HS6ST3: variants seen among roughly 807,000 people sequenced by gnomAD.
HS6ST3 encodes heparan-sulfate 6-O-sulfotransferase 3.
In HS6ST3, 12 loss-of-function variants were observed where a neutral mutation model predicts 36.7. That is an observed-to-expected ratio of 0.33 (90% CI 0.21 to 0.53). The LOEUF (loss-of-function observed/expected upper bound fraction) is 0.53. Ranked by LOEUF, HS6ST3 falls within the 20% of genes least tolerant of loss-of-function variation. The pLI is 0.95. For missense variants in HS6ST3, 584 were observed against 640.9 expected (o/e 0.91, Z 0.96); for synonymous variants, 240 against 257.5 (o/e 0.93, Z 0.65).
chr13:96,271,799 A>T (rs1448546734), intron 1 of HS6ST3, among the ~76,000 whole-genome samples: 1 of 151,952 alleles, frequency 6.6e-6, no homozygotes, highest in African/African-American at 2.4e-5. Context: ...CTGCTGCCAG[A>T]GAAGTCCAAA....
At chr13:96,538,506 C>T (rs1174373727) in intron 1 of HS6ST3, among the ~76,000 whole-genome samples, 5 of 152,178 alleles carry the variant, frequency 3.3e-5, no homozygotes, top group Non-Finnish European at 5.9e-5. Context: ...TGCAGTGGCA[C>T]GATCTTGGCT....
rs11408188 is a variant in HS6ST3, at chr13:96,491,472, C to CCAA, written c.708-341018_708-341017insCAA. On this transcript the variant is annotated intron_variant, in intron 1 of 1. Transcript: ENST00000376705. ...ACTTTATAATTGTAGTACTAATGTG[C>CCAA]AAAAAAAAAAAAAAAAAATACCCAG... Among the ~76,000 whole-genome samples, 229 of 123,690 alleles carry CCAA rather than the reference C, an allele frequency of 1.9e-3. 3 individuals carry two copies. The highest frequency in any genetic ancestry group is 7.2e-4 in the Non-Finnish European group (44 of 60,812). The allele number at this position is 123,690 out of a possible 152,430, so 81.1% of individuals were successfully genotyped here.
intron 1 of HS6ST3, among the ~76,000 whole-genome samples, chr13:96,507,235 G>C (rs577052035): frequency 4.6e-5 from 7 of 152,260 alleles, no homozygotes; most frequent in Admixed American, 2.0e-4. Context: ...ATCCACTATA[G>C]ACACTGTTTT....
intron 1 of HS6ST3, among the ~76,000 whole-genome samples, chr13:96,397,958 G>A (rs924765135): frequency 1.3e-5 from 2 of 152,102 alleles, no homozygotes; most frequent in Non-Finnish European, 2.9e-5. Context: ...GCTTCCAAAC[G>A]TAGTAGACAT....
At chr13:96,107,715 A>C (rs779427900) in intron 1 of HS6ST3, among the ~76,000 whole-genome samples, 14 of 152,218 alleles carry the variant, frequency 9.2e-5, no homozygotes, top group African/African-American at 3.1e-4. Flanking sequence ...TTTCATGGAC[A>C]TTTATTAGTT....
chr13:96,325,621 C>G (rs2055026902), intron 1 of HS6ST3, among the ~76,000 whole-genome samples: 1 of 152,112 alleles, frequency 6.6e-6, no homozygotes, highest in Non-Finnish European at 1.5e-5. Flanking sequence ...CTGTCAAAGA[C>G]TTGAACATCC....
chr13:96,407,163 TTAAAG>T (rs1311268057), intron 1 of HS6ST3, among the ~76,000 whole-genome samples: 1 of 152,236 alleles, frequency 6.6e-6, no homozygotes, highest in Non-Finnish European at 1.5e-5. Context: ...ATGTTGAAAC[TTAAAG>T]TATTCTTTGC....
chr13:96,309,790 C>G (rs1164346280), intron 1 of HS6ST3, among the ~76,000 whole-genome samples: 1 of 152,080 alleles, frequency 6.6e-6, no homozygotes, highest in Non-Finnish European at 1.5e-5. Flanking sequence ...CTATTCAACA[C>G]TGTATTCAAT....
chr13:96,260,457 G>C (rs1221064813), intron 1 of HS6ST3, among the ~76,000 whole-genome samples: 1 of 141,492 alleles, frequency 7.1e-6, no homozygotes, highest in Non-Finnish European at 1.6e-5. Flanking sequence ...GACTACAGGT[G>C]CCCACCACAA....
chr13:96,660,276 G>A (rs1330295319), intron 1 of HS6ST3, among the ~76,000 whole-genome samples: 1 of 151,866 alleles, frequency 6.6e-6, no homozygotes, highest in Non-Finnish European at 1.5e-5. Flanking sequence ...TGCCTCCCAG[G>A]ATTATTTTAA....
chr13:96,370,365 G>T (rs1263852176), intron 1 of HS6ST3, among the ~76,000 whole-genome samples: 1 of 152,092 alleles, frequency 6.6e-6, no homozygotes, highest in African/African-American at 2.4e-5. Flanking sequence ...TTCATTTGTT[G>T]ATTGCTTATT....
chr13:96,403,762 T>G (rs1236404980), intron 1 of HS6ST3, among the ~76,000 whole-genome samples: 1 of 152,198 alleles, frequency 6.6e-6, no homozygotes, highest in African/African-American at 2.4e-5. Context: ...ATGCTTTCAT[T>G]AGCGTGTATC....
chr13:96,385,183 A>G (rs914238506), intron 1 of HS6ST3, among the ~76,000 whole-genome samples: 4 of 149,082 alleles, frequency 2.7e-5, no homozygotes, highest in African/African-American at 9.8e-5. Context: ...CTGTATCCAA[A>G]AAAAAAAAAA....
chr13:96,641,873 G>C (rs1478161722), intron 1 of HS6ST3, among the ~76,000 whole-genome samples: 1 of 151,552 alleles, frequency 6.6e-6, no homozygotes, highest in African/African-American at 2.4e-5. Flanking sequence ...AAACTTATAG[G>C]TATTTCATTA....
chr13:96,137,719 T>G (rs1431277357), intron 1 of HS6ST3, among the ~76,000 whole-genome samples: 1 of 152,180 alleles, frequency 6.6e-6, no homozygotes, highest in Non-Finnish European at 1.5e-5. Context: ...GCCTGGCCTT[T>G]CTGCCGCCGT....
At chr13:96,537,396 A>G (rs1235890748) in intron 1 of HS6ST3, among the ~76,000 whole-genome samples, 2 of 152,142 alleles carry the variant, frequency 1.3e-5, no homozygotes, top group African/African-American at 2.4e-5. Context: ...CAGCTAAACC[A>G]TATCACCTCC....
intron 1 of HS6ST3, among the ~76,000 whole-genome samples, chr13:96,656,200 A>G (rs115235678): frequency 0.057 from 8,615 of 152,246 alleles, 269 homozygotes; most frequent in Middle Eastern, 0.088. Context: ...ATAAATTAGA[A>G]CAATGAGTCT....
At chr13:96,199,220 A>G (rs895305848) in intron 1 of HS6ST3, among the ~76,000 whole-genome samples, 4 of 152,244 alleles carry the variant, frequency 2.6e-5, no homozygotes, top group African/African-American at 9.6e-5. Flanking sequence ...GAGTGGGGAC[A>G]CAGCCAAACC....
At chr13:96,327,396 A>G (rs2055038516) in intron 1 of HS6ST3, among the ~76,000 whole-genome samples, 1 of 152,082 alleles carries the variant, frequency 6.6e-6, no homozygotes, top group Non-Finnish European at 1.5e-5. Context: ...CTTTCTACAT[A>G]TGGCTAGCCA....
Sources: allele counts gnomAD v4.1 joint callset (sites outside exome capture counted in the v4.1 genomes callset), GRCh38; gene constraint gnomAD v4.1.1; transcripts MANE v1.5; gene names NCBI Gene and HGNC (gene_info 2026-07-23, HGNC 2026-07-21).